KCNH8: variants seen among roughly 807,000 people sequenced by gnomAD.
The protein encoded by KCNH8 is voltage-gated delayed rectifier potassium channel KCNH8.
Under a neutral mutation model 103.6 loss-of-function variants are expected in KCNH8, and 70 were observed. That is an observed-to-expected ratio of 0.68 (90% CI 0.56 to 0.82). The LOEUF (loss-of-function observed/expected upper bound fraction) is 0.82. Among genes scored for constraint, KCNH8 ranks in the 40% least tolerant of loss-of-function variants. The pLI is 0.00. For missense variants in KCNH8, 1,217 were observed against 1,329.9 expected (o/e 0.92, Z 1.32); for synonymous variants, 498 against 489.4 (o/e 1.02, Z -0.23).
intron 3 of KCNH8, among the ~76,000 whole-genome samples, chr3:19,335,087 A>T (rs148271775): frequency 4.7e-4 from 71 of 152,014 alleles, no homozygotes; most frequent in African/African-American, 1.7e-3. Flanking sequence ...GCCTTTTTAT[A>T]AGTTACAAAA....
chr3:19,376,207 G>T (rs947249881), intron 5 of KCNH8, among the ~76,000 whole-genome samples: 1 of 152,198 alleles, frequency 6.6e-6, no homozygotes, highest in African/African-American at 2.4e-5. Context: ...CCTCGCTGCC[G>T]CCTTGCAGTT....
intron 1 of KCNH8, among the ~76,000 whole-genome samples, chr3:19,234,962 G>A (rs79874864): frequency 0.062 from 9,450 of 152,306 alleles, 991 homozygotes; most frequent in African/African-American, 0.21. Context: ...AACTGAAGTA[G>A]CTGGGTAAAT....
chr3:19,376,533 A>G (rs573775608), intron 5 of KCNH8, among the ~76,000 whole-genome samples: 294 of 152,222 alleles, frequency 1.9e-3, no homozygotes, highest in Non-Finnish European at 3.0e-3. Flanking sequence ...GGTACCTCAG[A>G]TGGAAATGCA....
chr3:19,200,230 T>G (rs1418540717), intron 1 of KCNH8, among the ~76,000 whole-genome samples: 1 of 152,010 alleles, frequency 6.6e-6, no homozygotes, highest in African/African-American at 2.4e-5. Context: ...AAGATAATGT[T>G]GACATAAAAG....
intron 11 of KCNH8, among the ~76,000 whole-genome samples, chr3:19,473,713 T>C (rs2125205806): frequency 1.3e-5 from 2 of 152,358 alleles, no homozygotes; most frequent in South Asian, 4.1e-4. Flanking sequence ...GGAGTGTGAA[T>C]GTATCATATT....
intron 5 of KCNH8, among the ~76,000 whole-genome samples, chr3:19,359,156 A>G (rs2065916927): frequency 8.1e-6 from 1 of 124,152 alleles, no homozygotes; most frequent in Non-Finnish European, 2.0e-5. Context: ...ATCTAATACA[A>G]AATTACTAGA....
chr3:19,185,995 T>A (rs1159826632), intron 1 of KCNH8, among the ~76,000 whole-genome samples: 1 of 151,992 alleles, frequency 6.6e-6, no homozygotes. Context: ...ATTGCAGATG[T>A]TACCCTCATA....
At chr3:19,520,719 A>G (rs1008607266) in intron 15 of KCNH8, among the ~76,000 whole-genome samples, 3 of 151,984 alleles carry the variant, frequency 2.0e-5, no homozygotes, top group Non-Finnish European at 2.9e-5. Flanking sequence ...CACTGCATGA[A>G]AAAAACTCTA....
rs1315811366 is a variant in KCNH8 at position 19,342,630 on chromosome 3, A to T, written c.486A>T (p.Ser162=). 5.6e-6 allele frequency: 9 copies of T among 1,611,064 alleles called. No individual in the cohort carries two copies. The highest frequency in any genetic ancestry group is 7.6e-6 in the Non-Finnish European group (9 of 1,177,872). The change falls in exon 4 of 16, where the codon TCA becomes TCT. Residue 162 remains serine (S), a synonymous_variant. Transcript: ENST00000328405. The part of the protein sequence containing the change: ...GRSRAGTHFD[S]ARRRSRAVLY... ...CAAGAGCAGGGACCCACTTTGACTC[A>T]GCCCGGAGACGGAGTCGAGCAGTCC... is the stretch of plus-strand genomic sequence containing the variant.
At position 19,347,738 on chromosome 3, in the gene KCNH8, A is replaced by G; in HGVS notation, c.584A>G (p.Asp195Gly). Residue 195 changes from aspartate to glycine, a missense_variant, in exon 5 of 16, where the codon GAT (aspartate) becomes GGT (glycine). This residue lies in a region of KCNH8 where 244 missense variants were observed against 256.8 expected (regional missense o/e 0.95). Coordinates refer to ENST00000328405, the MANE Select transcript of KCNH8 (RefSeq NM_144633.3). ...CTTCATCCACAGAATGTTTTTGTAG[A>G]TAAACCAGCATTTCCGGAGTATAAA... ...KLKINNNVFV[D>G]KPAFPEYKVS... 6.2e-7 allele frequency: 1 copy of G among 1,612,976 alleles called. No individual in the cohort carries two copies. The highest frequency in any genetic ancestry group is 8.5e-7 in the Non-Finnish European group (1 of 1,179,268).
At chr3:19,188,478 G>T (rs2063523118) in intron 1 of KCNH8, among the ~76,000 whole-genome samples, 1 of 152,000 alleles carries the variant, frequency 6.6e-6, no homozygotes, top group South Asian at 2.1e-4. Flanking sequence ...ACAAAAACAT[G>T]TGGTGGGGTG....
chr3:19,386,994 T>C (rs188011714), intron 5 of KCNH8, among the ~76,000 whole-genome samples: 21 of 152,282 alleles, frequency 1.4e-4, no homozygotes, highest in African/African-American at 5.1e-4. Context: ...AAAGAACTTG[T>C]ACTTGCCATC....
chr3:19,417,249 G>A (rs2066878506), intron 7 of KCNH8, among the ~76,000 whole-genome samples: 3 of 149,618 alleles, frequency 2.0e-5, no homozygotes, highest in Admixed American at 2.0e-4. Flanking sequence ...TATATTTCCA[G>A]TATTTATAGG....
intron 12 of KCNH8, among the ~76,000 whole-genome samples, chr3:19,511,273 T>G (rs1300255828): frequency 6.6e-6 from 1 of 151,996 alleles, no homozygotes; most frequent in Non-Finnish European, 1.5e-5. Context: ...TAGTTTGTAA[T>G]GTCGGCTGCC....
chr3:19,510,426 ATATT>A (rs773590621), intron 12 of KCNH8, 25 bp downstream of exon 12: 16 of 1,414,270 alleles, frequency 1.1e-5, no homozygotes, highest in African/African-American at 2.8e-5. Context: ...ACACAGCAAA[ATATT>A]TATCTAAAAT....
intron 7 of KCNH8, among the ~76,000 whole-genome samples, chr3:19,427,637 T>C (rs1209715249): frequency 1.3e-5 from 2 of 152,112 alleles, no homozygotes; most frequent in African/African-American, 4.8e-5. Flanking sequence ...ATTGGGATGT[T>C]GCTGAGAGTT....
intron 2 of KCNH8, among the ~76,000 whole-genome samples, chr3:19,267,148 A>T (rs1330829895): frequency 6.6e-6 from 1 of 152,038 alleles, no homozygotes; most frequent in East Asian, 1.9e-4. Context: ...GGCACAAAGG[A>T]GGTAAACAAA....
chr3:19,161,180 A>G (rs1237643689), intron 1 of KCNH8, among the ~76,000 whole-genome samples: 1 of 152,146 alleles, frequency 6.6e-6, no homozygotes, highest in Non-Finnish European at 1.5e-5. Flanking sequence ...AAAAAGCATT[A>G]CATTTGTGGG....
Position 19,291,017 on chromosome 3 carries a change from T to C in KCNH8, c.442+9688T>C, listed in dbSNP as rs188587409. Among the ~76,000 whole-genome samples, 320 of 152,348 alleles carry C rather than the reference T, an allele frequency of 2.1e-3. 6 individuals carry two copies. The East Asian group carries it at 0.058, about 28-fold the overall frequency. On this transcript the variant is annotated intron_variant, in intron 3 of 15. Coordinates refer to ENST00000328405, the MANE Select transcript of KCNH8 (RefSeq NM_144633.3). ...ATTTATCCATTTCTTCCAGATTTTC[T>C]AGTTTATTTGCATAGAGGTGTTTAT...
Sources: allele counts gnomAD v4.1 joint callset (sites outside exome capture counted in the v4.1 genomes callset), GRCh38; gene constraint gnomAD v4.1.1; regional missense constraint gnomAD v4.1.1; transcripts MANE v1.5; gene names NCBI Gene and HGNC (gene_info 2026-07-23, HGNC 2026-07-21).